The following LRP1B variants were observed in gnomAD, a reference collection of about 807,000 sequenced individuals.
The protein encoded by LRP1B is LDL receptor related protein 1B.
LRP1B carries 217 observed loss-of-function variants against 556.6 expected under a neutral mutation model. That is an observed-to-expected ratio of 0.39 (90% confidence interval 0.35 to 0.44). The LOEUF is 0.44. Among genes scored for constraint, LRP1B ranks in the 20% least tolerant of loss-of-function variants. LRP1B has a pLI of 1.00. For missense variants in LRP1B, 5,053 were observed against 5,620.8 expected (o/e 0.90, Z 3.23); for synonymous variants, 2,047 against 1,865.8 (o/e 1.10, Z -2.50).
chr2:140,441,000 T>G (rs972740598), intron 66 of LRP1B, among the ~76,000 whole-genome samples: 1 of 152,084 alleles, frequency 6.6e-6, no homozygotes, highest in Non-Finnish European at 1.5e-5. Context: ...AACCTCTTTG[T>G]GCCCACTTTC....
chr2:141,921,042 A>G (rs1440596341), intron 1 of LRP1B, among the ~76,000 whole-genome samples: 1 of 152,022 alleles, frequency 6.6e-6, no homozygotes, highest in East Asian at 1.9e-4. Context: ...AAACTTCAAC[A>G]TGTAGTATGT....
At chr2:140,650,306 TA>T (rs1371339467) in intron 41 of LRP1B, among the ~76,000 whole-genome samples, 1 of 130,394 alleles carries the variant, frequency 7.7e-6, no homozygotes, top group Non-Finnish European at 1.6e-5. Context: ...ACTTTATTTT[TA>T]TTTTTATTTA....
chr2:141,457,391 G>T (rs1681673935), intron 3 of LRP1B, among the ~76,000 whole-genome samples: 1 of 152,094 alleles, frequency 6.6e-6, no homozygotes, highest in Admixed American at 6.6e-5. Flanking sequence ...GCAATGAAAA[G>T]ACGTGGAGAC....
At chr2:141,050,412 TGG>T (rs1466595081) in intron 10 of LRP1B, among the ~76,000 whole-genome samples, 1 of 152,054 alleles carries the variant, frequency 6.6e-6, no homozygotes, top group East Asian at 1.9e-4. Context: ...ACATGCACCA[TGG>T]TGGTTTGCTG....
chr2:141,188,303 A>C, intron 7 of LRP1B, 118 bp downstream of exon 7: 2 of 958,834 alleles, frequency 2.1e-6, no homozygotes, highest in Non-Finnish European at 3.1e-6. Context: ...GTTAAAATCA[A>C]CATTTCTAAA....
At chr2:140,842,711 C>T (rs1157892519) in intron 29 of LRP1B, among the ~76,000 whole-genome samples, 1 of 151,704 alleles carries the variant, frequency 6.6e-6, no homozygotes, top group Non-Finnish European at 1.5e-5. Flanking sequence ...CCTTCTTCCC[C>T]TTCTTTCATT....
At chr2:140,969,247 G>A (rs1456891241) in intron 18 of LRP1B, among the ~76,000 whole-genome samples, 1 of 152,154 alleles carries the variant, frequency 6.6e-6, no homozygotes, top group Non-Finnish European at 1.5e-5. Context: ...AAGATAGTTA[G>A]CTCTTCTTGT....
intron 2 of LRP1B, among the ~76,000 whole-genome samples, chr2:141,544,107 C>T (rs1305484373): frequency 6.6e-6 from 1 of 151,998 alleles, no homozygotes; most frequent in Non-Finnish European, 1.5e-5. Context: ...TCCATTGATT[C>T]TCTAGAAATA....
chr2:140,371,331 A>G, intron 69 of LRP1B, 46 bp from the exon 70 acceptor site: 1 of 1,040,710 alleles, frequency 9.6e-7, no homozygotes, highest in East Asian at 2.6e-5. Context: ...TAAAAATAAC[A>G]GGTTTTAGAA....
intron 7 of LRP1B, among the ~76,000 whole-genome samples, chr2:141,168,365 G>T (rs1291875651): frequency 6.6e-6 from 1 of 152,020 alleles, no homozygotes; most frequent in Admixed American, 6.6e-5. Context: ...TAGGTTTTGG[G>T]AGAAAATGAG....
chr2:141,369,582 A>G (rs757305802), intron 3 of LRP1B, among the ~76,000 whole-genome samples: 73 of 152,208 alleles, frequency 4.8e-4, no homozygotes, highest in Non-Finnish European at 9.8e-4. Context: ...GATTTCCATT[A>G]CCATTATTAT....
intron 41 of LRP1B, among the ~76,000 whole-genome samples, chr2:140,641,190 C>G (rs1684280587): frequency 6.6e-6 from 1 of 152,112 alleles, no homozygotes; most frequent in Non-Finnish European, 1.5e-5. Flanking sequence ...GACGGCTGTT[C>G]TTTTTATGAA....
chr2:140,450,577 C>A lies in LRP1B; in HGVS notation c.10048G>T (p.Asp3350Tyr). The A allele has an allele frequency of 6.2e-7, 1 of 1,607,896 alleles. No individual in the cohort carries two copies. Among genetic ancestry groups the A allele is most frequent in the Non-Finnish European group, 8.5e-7 (1 of 1,174,972 alleles). ...DDCGDGSDEP[D>Y]DCPEFRCQPG... ...TTGCCAGTATACTCACGACAGTCAT[C>A]AGGTTCATCAGATCCATCACCACAG... The change falls in exon 63 of 91, where the codon GAT becomes TAT. Residue 3350 changes from aspartate (D) to tyrosine (Y), a missense_variant. By Grantham distance (160) the Asp-to-Tyr change is radical. This residue lies in a region of LRP1B where 262 missense variants were observed against 395.1 expected (regional missense o/e 0.66). Transcript: ENST00000389484.
At chr2:142,108,687 C>G (rs1441846554) in intron 1 of LRP1B, among the ~76,000 whole-genome samples, 1 of 152,146 alleles carries the variant, frequency 6.6e-6, no homozygotes, top group South Asian at 2.1e-4. Flanking sequence ...CTTGGACATT[C>G]AACAGTTTTG....
intron 6 of LRP1B, among the ~76,000 whole-genome samples, chr2:141,208,948 C>G (rs1186587612): frequency 1.4e-5 from 2 of 140,674 alleles, no homozygotes; most frequent in African/African-American, 5.2e-5. Flanking sequence ...TGAAGGCCTT[C>G]TCCCTGAGGC....
intron 41 of LRP1B, among the ~76,000 whole-genome samples, chr2:140,650,190 T>A (rs1215315862): frequency 6.6e-6 from 1 of 151,842 alleles, no homozygotes; most frequent in South Asian, 2.1e-4. Context: ...AGATACTTAT[T>A]TGAATGTTTT....
chr2:141,034,657 ATACCATCTCACACCAGT>A (rs1698477099), intron 11 of LRP1B, among the ~76,000 whole-genome samples: 1 of 151,348 alleles, frequency 6.6e-6, no homozygotes, highest in African/African-American at 2.4e-5. Flanking sequence ...CCACAATGAG[ATACCATCTCACACCAGT>A]TAGAATGGCA....
At chr2:142,094,769 A>G (rs1706299821) in intron 1 of LRP1B, among the ~76,000 whole-genome samples, 1 of 151,682 alleles carries the variant, frequency 6.6e-6, no homozygotes, top group Non-Finnish European at 1.5e-5. Context: ...AATATAATAA[A>G]TGAAACCAAA....
intron 11 of LRP1B, among the ~76,000 whole-genome samples, chr2:141,031,288 C>CAT (rs1491417056): frequency 2.7e-3 from 311 of 115,952 alleles, no homozygotes; most frequent in African/African-American, 7.2e-3. Flanking sequence ...CACATACATA[C>CAT]ATATATATAT....
Sources: allele counts gnomAD v4.1 joint callset (sites outside exome capture counted in the v4.1 genomes callset), GRCh38; gene constraint gnomAD v4.1.1; regional missense constraint gnomAD v4.1.1; transcripts MANE v1.5; gene names NCBI Gene and HGNC (gene_info 2026-07-23, HGNC 2026-07-21).